Variants in MAN1A1 observed in about 807,000 individuals in gnomAD.
MAN1A1 encodes mannosyl-oligosaccharide 1,2-alpha-mannosidase IA.
In MAN1A1, 29 loss-of-function variants were observed where a neutral mutation model predicts 70.8. That is an observed-to-expected ratio of 0.41 (90% CI 0.31 to 0.56). MAN1A1 has a LOEUF of 0.56. Ranked by LOEUF, MAN1A1 falls within the 20% of genes least tolerant of loss-of-function variation. The pLI, the probability that MAN1A1 is intolerant of heterozygous loss-of-function variation, is 0.29. For missense variants in MAN1A1, 747 were observed against 841.3 expected (o/e 0.89, Z 1.39); for synonymous variants, 349 against 330.1 (o/e 1.06, Z -0.62).
At chr6:119,317,149 T>G (rs1158905461) in intron 2 of MAN1A1, among the ~76,000 whole-genome samples, 1 of 152,018 alleles carries the variant, frequency 6.6e-6, no homozygotes, top group Non-Finnish European at 1.5e-5. Flanking sequence ...TTCCTATATA[T>G]CCTCTGTACC....
intron 6 of MAN1A1, among the ~76,000 whole-genome samples, chr6:119,216,436 G>A (rs984153403): frequency 6.6e-6 from 1 of 152,152 alleles, no homozygotes; most frequent in Non-Finnish European, 1.5e-5. Context: ...TTGGGGATAA[G>A]GGAAGACAGG....
chr6:119,340,203 C>T (rs995571085), intron 2 of MAN1A1, among the ~76,000 whole-genome samples: 2 of 152,166 alleles, frequency 1.3e-5, no homozygotes, highest in African/African-American at 4.8e-5. Context: ...CCTAATCATT[C>T]CACAGGTCTG....
chr6:119,227,994 G>C (rs1028012319), intron 6 of MAN1A1, among the ~76,000 whole-genome samples: 6 of 152,052 alleles, frequency 3.9e-5, no homozygotes, highest in Admixed American at 3.9e-4. Flanking sequence ...GAAATGCTTA[G>C]GAAACCAAAA....
At chr6:119,224,828 T>C (rs1220271377) in intron 6 of MAN1A1, among the ~76,000 whole-genome samples, 1 of 152,152 alleles carries the variant, frequency 6.6e-6, no homozygotes, top group Non-Finnish European at 1.5e-5. Context: ...AAGATATCAC[T>C]AAAAATAATT....
chr6:119,341,893 A>C (rs1773603167), intron 2 of MAN1A1, among the ~76,000 whole-genome samples: 1 of 152,200 alleles, frequency 6.6e-6, no homozygotes, highest in Non-Finnish European at 1.5e-5. Context: ...AGGTGGGAGG[A>C]CTGCTTCAGC....
intron 11 of MAN1A1, among the ~76,000 whole-genome samples, chr6:119,187,071 G>C (rs1301717199): frequency 6.6e-6 from 1 of 152,166 alleles, no homozygotes; most frequent in Non-Finnish European, 1.5e-5. Flanking sequence ...AAAGCATCCT[G>C]TCTACCTGGC....
intron 2 of MAN1A1, chr6:119,327,378 G>GTTGTTT (rs1773178711): frequency 2.4e-5 from 3 of 123,564 alleles, no homozygotes; most frequent in Admixed American, 1.7e-4. Flanking sequence ...GAAGCATTCC[G>GTTGTTT]TTTTTTTTTT....
At chr6:119,314,442 G>A (rs968874288) in intron 2 of MAN1A1, among the ~76,000 whole-genome samples, 2 of 152,242 alleles carry the variant, frequency 1.3e-5, no homozygotes, top group African/African-American at 4.8e-5. Flanking sequence ...GCACTGTGAG[G>A]GGAATTTGAT....
intron 5 of MAN1A1, among the ~76,000 whole-genome samples, chr6:119,270,480 CA>C (rs1489156253): frequency 6.6e-6 from 1 of 152,156 alleles, no homozygotes; most frequent in African/African-American, 2.4e-5. Context: ...ATCATCATCT[CA>C]AAAAAGAAGT....
intron 4 of MAN1A1, among the ~76,000 whole-genome samples, chr6:119,300,188 G>A (rs1279649009): frequency 1.3e-5 from 2 of 152,090 alleles, no homozygotes; most frequent in East Asian, 3.9e-4. Context: ...AGAAAAGCCT[G>A]CAGGTTTTTG....
chr6:119,211,447 CAAGAAAACAGCAGTGCT>C (rs1774047828), intron 6 of MAN1A1, among the ~76,000 whole-genome samples: 1 of 152,186 alleles, frequency 6.6e-6, no homozygotes, highest in Admixed American at 6.5e-5. Context: ...ACAGCAGTGC[CAAGAAAACAGCAGTGCT>C]CAATACATGC....
At chr6:119,287,454 C>T (rs1281842428) in intron 5 of MAN1A1, among the ~76,000 whole-genome samples, 13 of 152,054 alleles carry the variant, frequency 8.5e-5, no homozygotes, top group Non-Finnish European at 1.9e-4. Flanking sequence ...TTGTCAATTT[C>T]AATATCATCT....
intron 6 of MAN1A1, among the ~76,000 whole-genome samples, chr6:119,239,292 A>G (rs1199878559): frequency 6.6e-6 from 1 of 152,260 alleles, no homozygotes; most frequent in Non-Finnish European, 1.5e-5. Context: ...GCCTGTACTT[A>G]CGCGCAGCTG....
At chr6:119,316,746 C>T (rs962074965) in intron 2 of MAN1A1, among the ~76,000 whole-genome samples, 1 of 151,916 alleles carries the variant, frequency 6.6e-6, no homozygotes, top group African/African-American at 2.4e-5. Flanking sequence ...ATAGATTTGT[C>T]AACCTTATAA....
At chr6:119,277,753 G>A (rs146150881) in intron 5 of MAN1A1, among the ~76,000 whole-genome samples, 19 of 151,710 alleles carry the variant, frequency 1.3e-4, no homozygotes, top group African/African-American at 3.9e-4. Flanking sequence ...TGGTTAACAC[G>A]GGGAAAACCC....
intron 2 of MAN1A1, among the ~76,000 whole-genome samples, chr6:119,343,666 C>T (rs1773654568): frequency 6.6e-6 from 1 of 152,168 alleles, no homozygotes; most frequent in Non-Finnish European, 1.5e-5. Context: ...AATCTCTTCC[C>T]TAAACTACCA....
intron 2 of MAN1A1, among the ~76,000 whole-genome samples, chr6:119,315,572 G>A (rs1330595791): frequency 1.3e-5 from 2 of 152,070 alleles, no homozygotes; most frequent in African/African-American, 2.4e-5. Flanking sequence ...CTCTTGTGCT[G>A]TTACCAAATG....
chr6:119,283,556 G>A (rs909761359), intron 5 of MAN1A1, among the ~76,000 whole-genome samples: 1 of 151,904 alleles, frequency 6.6e-6, no homozygotes. Context: ...AGGAAGTGAA[G>A]GTGGGGAGGG....
chr6:119,180,779 G>A (rs1410598352), intron 11 of MAN1A1, among the ~76,000 whole-genome samples: 1 of 152,022 alleles, frequency 6.6e-6, no homozygotes, highest in Non-Finnish European at 1.5e-5. Flanking sequence ...CTCCCAAAGA[G>A]TTGGGATTAC....
Sources: allele counts gnomAD v4.1 joint callset (sites outside exome capture counted in the v4.1 genomes callset), GRCh38; gene constraint gnomAD v4.1.1; transcripts MANE v1.5; gene names NCBI Gene and HGNC (gene_info 2026-07-23, HGNC 2026-07-21).